The following CEP128 variants were observed in gnomAD, a reference collection of about 807,000 sequenced individuals.
CEP128 encodes the protein centrosomal protein 128kDa.
A neutral mutation model predicts 156.7 loss-of-function variants in CEP128; 132 were observed. The observed-to-expected ratio is 0.84, with a 90% CI of 0.73 to 0.97. The LOEUF is 0.97. Ranked by LOEUF, CEP128 falls within the 50% of genes least tolerant of loss-of-function variation. CEP128 has a pLI of 0.00. For synonymous variants in CEP128, 469 were observed against 448.9 expected (o/e 1.04, Z -0.57); for missense variants, 1,252 against 1,281.9 (o/e 0.98, Z 0.36).
intron 19 of CEP128, among the ~76,000 whole-genome samples, chr14:80,717,581 A>T (rs1308649918): frequency 6.6e-6 from 1 of 152,196 alleles, no homozygotes; most frequent in African/African-American, 2.4e-5. Flanking sequence ...GAAAATATAA[A>T]AGCAATTAAA....
intron 1 of CEP128, chr14:80,959,347 T>C (rs902809261): frequency 6.6e-6 from 1 of 152,142 alleles, no homozygotes; most frequent in Non-Finnish European, 1.5e-5. Context: ...GAGAATAAAA[T>C]TAAAAATTTA....
upstream of CEP128, among the ~76,000 whole-genome samples, chr14:80,946,336 G>A (rs1886343512): frequency 7.2e-6 from 1 of 138,894 alleles, no homozygotes; most frequent in African/African-American, 2.8e-5. Context: ...TCATGATGAT[G>A]CCTCATGATG....
At chr14:80,841,296 G>A (rs1360949589) in intron 9 of CEP128, among the ~76,000 whole-genome samples, 1 of 151,968 alleles carries the variant, frequency 6.6e-6, no homozygotes, top group Non-Finnish European at 1.5e-5. Flanking sequence ...TATGTGTAAA[G>A]TCCATACAGC....
At chr14:80,557,137 G>C (rs898779276) in intron 21 of CEP128, among the ~76,000 whole-genome samples, 1 of 152,044 alleles carries the variant, frequency 6.6e-6, no homozygotes, top group Non-Finnish European at 1.5e-5. Flanking sequence ...GGAACCTTTA[G>C]GTTAGGACAT....
intron 8 of CEP128, among the ~76,000 whole-genome samples, chr14:80,891,337 A>G (rs549629517): frequency 4.6e-5 from 7 of 152,206 alleles, no homozygotes; most frequent in African/African-American, 1.4e-4. Context: ...AATAAAGAAA[A>G]TGTGGTGTTT....
chr14:80,624,516 A>C (rs912765919), intron 19 of CEP128, among the ~76,000 whole-genome samples: 2 of 152,112 alleles, frequency 1.3e-5, no homozygotes, highest in African/African-American at 4.8e-5. Flanking sequence ...GTTTTCCATA[A>C]TGGAGGTATT....
At chr14:80,747,915 G>A (rs937694847) in intron 18 of CEP128, among the ~76,000 whole-genome samples, 5 of 152,174 alleles carry the variant, frequency 3.3e-5, no homozygotes, top group African/African-American at 1.2e-4. Flanking sequence ...TCTACTTGAG[G>A]TGATGAAAGT....
intron 8 of CEP128, among the ~76,000 whole-genome samples, chr14:80,869,715 T>C (rs139697025): frequency 2.6e-4 from 39 of 152,142 alleles, no homozygotes; most frequent in African/African-American, 7.5e-4. Context: ...GTTTGTTACA[T>C]AGGTAAACTT....
intron 20 of CEP128, among the ~76,000 whole-genome samples, chr14:80,560,552 G>A (rs1309080248): frequency 1.3e-5 from 2 of 152,196 alleles, no homozygotes; most frequent in East Asian, 1.9e-4. Context: ...CTGTATACAC[G>A]GATGCAGGGT....
chr14:80,777,149 T>C (rs1900838479), intron 16 of CEP128, among the ~76,000 whole-genome samples: 4 of 152,198 alleles, frequency 2.6e-5, no homozygotes, highest in Admixed American at 2.6e-4. Context: ...TGCTACAGAC[T>C]GAATGTATGT....
chr14:80,632,698 A>G (rs1370004545), intron 19 of CEP128, among the ~76,000 whole-genome samples: 2 of 151,950 alleles, frequency 1.3e-5, no homozygotes, highest in East Asian at 1.9e-4. Context: ...GTCATTTCCA[A>G]TTACTCTGCA....
At chr14:80,926,340 G>A (rs993914145) in intron 2 of CEP128, among the ~76,000 whole-genome samples, 1 of 152,158 alleles carries the variant, frequency 6.6e-6, no homozygotes, top group Non-Finnish European at 1.5e-5. Flanking sequence ...GACCTGCCTT[G>A]CCAAGTTCAT....
chr14:80,498,931 T>C (rs1187902740), intron 24 of CEP128, among the ~76,000 whole-genome samples: 1 of 152,190 alleles, frequency 6.6e-6, no homozygotes, highest in African/African-American at 2.4e-5. Flanking sequence ...GGAGCGCCTC[T>C]AGAGAGTACC....
At chr14:80,576,008 G>T (rs1043960903) in intron 20 of CEP128, among the ~76,000 whole-genome samples, 3 of 151,878 alleles carry the variant, frequency 2.0e-5, no homozygotes, top group Non-Finnish European at 2.9e-5. Context: ...TTCAGTGACT[G>T]TCATAGGTAA....
chr14:80,947,526 C>G (rs1886373872), intron 2 of CEP128, among the ~76,000 whole-genome samples: 1 of 152,098 alleles, frequency 6.6e-6, no homozygotes, highest in South Asian at 2.1e-4. Context: ...GTCAAAATGG[C>G]AACAACACAG....
Position 80,497,453 on chromosome 14 carries a change from TA to T in CEP128, c.*25del. On this transcript the variant is annotated 3_prime_UTR_variant, in exon 25 of 25. Coordinates refer to ENST00000555265, the MANE Select transcript of CEP128 (RefSeq NM_152446.5). ...TGTTATTATTTGTAACATACTCATG[TA>T]AAATAACAAATTACATTTGCTTTTT... is the stretch of plus-strand genomic sequence containing the variant. The T allele has an allele frequency of 6.8e-7, 1 of 1,468,508 alleles. No homozygotes were observed. 91.0% of individuals were successfully genotyped at this position (1,468,508 alleles called of 1,614,324 possible). A position where few individuals can be genotyped will look rare whatever the true frequency, so the allele number is the denominator to read the frequency against.
chr14:80,642,965 A>C (rs1480929962), intron 19 of CEP128, among the ~76,000 whole-genome samples: 1 of 152,024 alleles, frequency 6.6e-6, no homozygotes, highest in East Asian at 1.9e-4. Context: ...CGTGTTAGCC[A>C]GGATGGTCTG....
At chr14:80,911,054 G>A (rs1314719064) in intron 4 of CEP128, among the ~76,000 whole-genome samples, 3 of 152,172 alleles carry the variant, frequency 2.0e-5, no homozygotes, top group African/African-American at 7.2e-5. Flanking sequence ...GAAAAACTCT[G>A]ATTAGAAACA....
intron 19 of CEP128, among the ~76,000 whole-genome samples, chr14:80,589,309 G>T (rs1189375981): frequency 6.6e-6 from 1 of 152,076 alleles, no homozygotes; most frequent in Non-Finnish European, 1.5e-5. Flanking sequence ...ATTCTTTATA[G>T]CATTAATAGA....
Sources: gnomAD v4.1 joint callset for allele counts (sites outside exome capture counted in the v4.1 genomes callset) on GRCh38, gnomAD v4.1.1 for gene constraint, MANE v1.5 for transcripts, NCBI Gene and HGNC (gene_info 2026-07-23, HGNC 2026-07-21) for gene names.